SORCS1: variants seen among roughly 807,000 people sequenced by gnomAD.
SORCS1 encodes the protein sortilin related VPS10 domain containing receptor 1.
In SORCS1, 60 loss-of-function variants were observed where a neutral mutation model predicts 146.1. The observed-to-expected ratio is 0.41, with a 90% CI of 0.33 to 0.51. The LOEUF (loss-of-function observed/expected upper bound fraction) is 0.51, where lower values mean the gene tolerates loss of function less well. Ranked by LOEUF, SORCS1 falls within the 20% of genes least tolerant of loss-of-function variation. The probability of loss-of-function intolerance (pLI) is 0.21; values close to 1 mark genes in which losing one functional copy is unlikely to be tolerated. For missense variants in SORCS1, 1,352 were observed against 1,487.6 expected, an observed-to-expected ratio of 0.91 and a Z score of 1.50; for synonymous variants, 637 against 584.0, an observed-to-expected ratio of 1.09 and a Z score of -1.31.
At chr10:106,889,051 A>G (rs1304027338) in intron 2 of SORCS1, among the ~76,000 whole-genome samples, 1 of 152,208 alleles carries the variant, frequency 6.6e-6, no homozygotes, top group African/African-American at 2.4e-5. Flanking sequence ...TTTTTTGTAG[A>G]AAGAATACTT....
chr10:106,758,078 C>G (rs1890459), intron 5 of SORCS1, among the ~76,000 whole-genome samples: 99,615 of 152,112 alleles, frequency 0.65, 35,243 homozygotes, highest in East Asian at 0.99. Context: ...TTACTTAACA[C>G]ATCAATCAGA....
rs548923938 is a variant in SORCS1, at chr10:107,099,768, C to A, written c.558+64201G>T. Among the ~76,000 whole-genome samples, 26 of 152,238 alleles carry A rather than the reference C, an allele frequency of 1.7e-4. 1 individual carries two copies. Among genetic ancestry groups the A allele is most frequent in the African/African-American group, 6.3e-4 (26 of 41,560 alleles). On this transcript the variant is annotated intron_variant, in intron 1 of 25. Coordinates refer to ENST00000263054, the MANE Select transcript of SORCS1 (RefSeq NM_052918.5). The stretch of plus-strand genomic sequence containing the variant: ...TAACTAAAAGTGATCTAGATTCATT[C>A]TTTCATTTGTTTTGTATGGTTTAGT...
chr10:106,654,949 T>G (rs1488848845), intron 17 of SORCS1, among the ~76,000 whole-genome samples: 1 of 152,090 alleles, frequency 6.6e-6, no homozygotes, highest in Admixed American at 6.5e-5. Context: ...TTCCACCTCC[T>G]GGGTTCAAGC....
rs1023061460 is a variant in SORCS1, at chr10:106,793,547, A to C, written c.727-16855T>G. ...AATGATCACTTTGGAGGTAATACAG[A>C]GATTGTGTTAAAGACAAGAGAATGG... On this transcript the variant is annotated intron_variant, in intron 3 of 25. Transcript: ENST00000263054. Among the ~76,000 whole-genome samples the C allele has an allele frequency of 3.3e-5, 5 of 152,200 alleles. No individual in the cohort carries two copies. The East Asian group carries it at 9.6e-4, about 29-fold the overall frequency.
chr10:107,001,427 T>A (rs1355296104), intron 1 of SORCS1, among the ~76,000 whole-genome samples: 1 of 152,118 alleles, frequency 6.6e-6, no homozygotes, highest in Non-Finnish European at 1.5e-5. Context: ...AGAAGCCTGG[T>A]AGAAGGCTTT....
intron 2 of SORCS1, among the ~76,000 whole-genome samples, chr10:106,844,843 G>C (rs1163883133): frequency 6.8e-6 from 1 of 146,374 alleles, no homozygotes. Context: ...TTGGTTTTTT[G>C]TTCTTGCGAT....
chr10:106,656,003 T>G (rs940974396), intron 17 of SORCS1, among the ~76,000 whole-genome samples: 9 of 152,212 alleles, frequency 5.9e-5, no homozygotes, highest in African/African-American at 1.9e-4. Flanking sequence ...GGTAAAGCAT[T>G]CTTCAATCTG....
At chr10:106,928,557 G>C (rs1189677851) in intron 2 of SORCS1, among the ~76,000 whole-genome samples, 1 of 152,232 alleles carries the variant, frequency 6.6e-6, no homozygotes, top group African/African-American at 2.4e-5. Context: ...GCAGCGGTGG[G>C]CTGAAGGGCT....
chr10:106,783,882 T>C (rs1290631010), intron 3 of SORCS1, among the ~76,000 whole-genome samples: 2 of 152,170 alleles, frequency 1.3e-5, no homozygotes, highest in Non-Finnish European at 2.9e-5. Context: ...GGAGAAACAT[T>C]TTCCCACATG....
At chr10:106,967,894 A>C (rs1048242910) in intron 1 of SORCS1, among the ~76,000 whole-genome samples, 3 of 152,022 alleles carry the variant, frequency 2.0e-5, no homozygotes, top group Non-Finnish European at 4.4e-5. Flanking sequence ...TTCTCTCTGA[A>C]AGTCTATTAA....
At chr10:106,637,532 C>A (rs1485679128) in intron 18 of SORCS1, among the ~76,000 whole-genome samples, 1 of 152,312 alleles carries the variant, frequency 6.6e-6, no homozygotes, top group East Asian at 1.9e-4. Flanking sequence ...AGCTTCTGTG[C>A]AAGCAAAACC....
At chr10:106,651,374 A>G (rs190400676) in intron 18 of SORCS1, among the ~76,000 whole-genome samples, 1 of 152,276 alleles carries the variant, frequency 6.6e-6, no homozygotes, top group East Asian at 1.9e-4. Flanking sequence ...CACAATGCAC[A>G]ATGCACAACC....
intron 1 of SORCS1, among the ~76,000 whole-genome samples, chr10:107,045,947 ATTT>A (rs796678066): frequency 6.8e-6 from 1 of 146,404 alleles, no homozygotes; most frequent in Non-Finnish European, 1.5e-5. Flanking sequence ...ACCATGCCTA[ATTT>A]TTTTTTTTCT....
intron 23 of SORCS1, chr10:106,600,152 A>G (rs1846154086): frequency 4.0e-6 from 1 of 247,980 alleles, no homozygotes. Flanking sequence ...CAATAGCTAA[A>G]CCAGAAAATG....
intron 24 of SORCS1, among the ~76,000 whole-genome samples, chr10:106,594,266 C>T (rs1845779824): frequency 6.6e-6 from 1 of 152,114 alleles, no homozygotes; most frequent in Non-Finnish European, 1.5e-5. Flanking sequence ...CTTTTTTTTA[C>T]ATACCACTTC....
Position 106,726,470 on chromosome 10 carries a change from G to T in SORCS1, c.1024+3580C>A, listed in dbSNP as rs183442595. ...AGATGACAGTTTGGCATTATCAACC[G>T]CCATGCCTTCAGGGAGCACAGGAAT... On this transcript the variant is annotated intron_variant, in intron 6 of 25. Coordinates refer to ENST00000263054, the MANE Select transcript of SORCS1 (RefSeq NM_052918.5). Among the ~76,000 whole-genome samples the T allele has an allele frequency of 1.4e-3, 208 of 148,134 alleles. 1 individual carries two copies. Among genetic ancestry groups the T allele is most frequent in the Non-Finnish European group, 2.7e-3 (179 of 67,336 alleles).
chr10:106,782,744 T>C (rs1302006676), intron 3 of SORCS1, among the ~76,000 whole-genome samples: 1 of 152,232 alleles, frequency 6.6e-6, no homozygotes, highest in Non-Finnish European at 1.5e-5. Flanking sequence ...TATTTTACTG[T>C]AAGAATCTGC....
chr10:107,094,021 T>C (rs1457602987), intron 1 of SORCS1, among the ~76,000 whole-genome samples: 1 of 152,216 alleles, frequency 6.6e-6, no homozygotes, highest in Non-Finnish European at 1.5e-5. Flanking sequence ...TATCACTCTA[T>C]TTAAAACTTC....
rs963445050 is a variant in SORCS1, at chr10:107,102,357, C to T, written c.558+61612G>A. 5.3e-5 allele frequency among the ~76,000 whole-genome samples: 8 copies of T among 152,214 alleles called. No individual in the cohort carries two copies. The South Asian group carries it at 1.0e-3, about 20-fold the overall frequency. On this transcript the variant is annotated intron_variant, in intron 1 of 25. Coordinates refer to ENST00000263054, the MANE Select transcript of SORCS1 (RefSeq NM_052918.5). ...CACTGTCCTGAAGCTGGATTTGAGA[C>T]GACCTCTGGATATAGGGAAGTCATG...
Sources: allele counts gnomAD v4.1 joint callset (sites outside exome capture counted in the v4.1 genomes callset), GRCh38; gene constraint gnomAD v4.1.1; transcripts MANE v1.5; gene names NCBI Gene and HGNC (gene_info 2026-07-23, HGNC 2026-07-21).